Variants in FNBP1 observed in about 807,000 individuals in gnomAD.
The protein encoded by FNBP1 is formin binding protein 1.
A neutral mutation model predicts 90.6 loss-of-function variants in FNBP1; 26 were observed. The observed-to-expected ratio is 0.29, with a 90% CI of 0.21 to 0.40. The LOEUF is 0.40. Ranked by LOEUF, FNBP1 falls within the 10% of genes least tolerant of loss-of-function variation. FNBP1 has a pLI of 1.00. For missense variants in FNBP1, 635 were observed against 768.0 expected, an observed-to-expected ratio of 0.83 and a Z score of 2.05; for synonymous variants, 260 against 265.2, an observed-to-expected ratio of 0.98 and a Z score of 0.19.
At chr9:129,938,171 A>T (rs543404348) in intron 6 of FNBP1, among the ~76,000 whole-genome samples, 31 of 152,262 alleles carry the variant, frequency 2.0e-4, no homozygotes, top group South Asian at 4.1e-4. Flanking sequence ...TCAAAAAAAT[A>T]AATAAATTAA....
intron 1 of FNBP1, among the ~76,000 whole-genome samples, chr9:129,996,381 A>G (rs1267296497): frequency 2.0e-5 from 3 of 152,154 alleles, no homozygotes; most frequent in Non-Finnish European, 4.4e-5. Flanking sequence ...AGCACATCAC[A>G]GGGAAGAGAG....
intron 2 of FNBP1, among the ~76,000 whole-genome samples, chr9:129,992,002 T>C (rs1427850487): frequency 6.6e-6 from 1 of 152,200 alleles, no homozygotes; most frequent in Non-Finnish European, 1.5e-5. Context: ...GCAAGCTGTT[T>C]CTGGAATTCA....
At chr9:129,939,277 T>C (rs1021974320) in intron 6 of FNBP1, among the ~76,000 whole-genome samples, 2 of 151,394 alleles carry the variant, frequency 1.3e-5, no homozygotes, top group Admixed American at 6.6e-5. Flanking sequence ...TAATCCCAGA[T>C]ACTTGGGAGG....
chr9:129,904,363 G>A lies in FNBP1; in HGVS notation c.1296-1362C>T, dbSNP rs181813950. On this transcript the variant is annotated intron_variant, in intron 12 of 16. Coordinates refer to ENST00000446176, the MANE Select transcript of FNBP1 (RefSeq NM_015033.3). ...CTAGAGAAGTTTGGGGCATGTTTGG[G>A]TTGAAGACCAAAGAGCTCTACTAAT... 1.7e-4 allele frequency among the ~76,000 whole-genome samples: 26 copies of A among 152,282 alleles called. No individual in the cohort carries two copies. The East Asian group carries it at 4.8e-3, about 28-fold the overall frequency.
At chr9:129,994,759 T>C (rs1427744796) in intron 2 of FNBP1, 84 bp downstream of exon 2, 1 of 553,866 alleles carries the variant, frequency 1.8e-6, no homozygotes, top group African/African-American at 2.0e-5. Context: ...ATTTAAAATA[T>C]ACATTTATAC....
intron 1 of FNBP1, among the ~76,000 whole-genome samples, chr9:130,025,650 G>A (rs1229418377): frequency 6.6e-6 from 1 of 152,222 alleles, no homozygotes; most frequent in Non-Finnish European, 1.5e-5. Context: ...AAGGCCGGGC[G>A]CAGTGGCTCA....
intron 6 of FNBP1, among the ~76,000 whole-genome samples, chr9:129,937,507 C>T (rs1356400831): frequency 2.6e-5 from 4 of 151,874 alleles, no homozygotes; most frequent in South Asian, 4.2e-4. Flanking sequence ...CTGAGGCGGG[C>T]GGATCATGAG....
chr9:129,908,697 C>A (rs960051293), intron 12 of FNBP1, among the ~76,000 whole-genome samples, 193 bp downstream of exon 12: 1 of 152,002 alleles, frequency 6.6e-6, no homozygotes, highest in Non-Finnish European at 1.5e-5. Flanking sequence ...GGACTACAGA[C>A]GTGTGCCACT....
chr9:130,006,805 G>A (rs974721208), intron 1 of FNBP1, among the ~76,000 whole-genome samples: 5 of 152,150 alleles, frequency 3.3e-5, no homozygotes, highest in Non-Finnish European at 5.9e-5. Context: ...CTACGTTCAT[G>A]GCTCTTTGTA....
rs778762067 is a variant in FNBP1 at position 129,895,814 on chromosome 9, G to A, written c.1846+24C>T. ...TTTTTTTTAAGTTTTTTTTTTTTATGGTATTAAATATAAGTCTTAGCACCT... is the reference window on the plus strand; with the variant it reads ...TTTTTTTTAAGTTTTTTTTTTTTATAGTATTAAATATAAGTCTTAGCACCT... On this transcript the variant is annotated intron_variant, in intron 16 of 16. Transcript: ENST00000446176. 4.7e-6 allele frequency: 7 copies of A among 1,486,312 alleles called. No homozygotes were observed. The Middle Eastern group carries it at 8.8e-4, about 187-fold the overall frequency. The allele number at this position is 1,486,312 out of a possible 1,614,324, so 92.1% of individuals were successfully genotyped here. A position where few individuals can be genotyped will look rare whatever the true frequency, so the allele number is the denominator to read the frequency against.
At chr9:130,016,145 T>C (rs1012968846) in intron 1 of FNBP1, among the ~76,000 whole-genome samples, 1 of 152,194 alleles carries the variant, frequency 6.6e-6, no homozygotes, top group African/African-American at 2.4e-5. Context: ...AAATTTTATA[T>C]ATTATTGTTA....
At chr9:130,028,029 G>A (rs948527996) in intron 1 of FNBP1, among the ~76,000 whole-genome samples, 4 of 151,974 alleles carry the variant, frequency 2.6e-5, no homozygotes, top group African/African-American at 9.7e-5. Flanking sequence ...TGGGCCTCCC[G>A]GAAAAACCAG....
In FNBP1 at chr9:129,927,065, C is replaced by T. The variant is rs897195940; in HGVS notation, c.789+130G>A. On this transcript the variant is annotated intron_variant, in intron 8 of 16. Coordinates refer to ENST00000446176, the MANE Select transcript of FNBP1 (RefSeq NM_015033.3). ...GAATTATACAGCTAAATCCAAGACA[C>T]AGAGCATGTGTGACCACCAAAAGCA... 8 of 820,158 alleles carry T rather than the reference C, an allele frequency of 9.8e-6. No individual in the cohort carries two copies. In the South Asian group the frequency reaches 1.4e-4, roughly 15 times the overall value. 50.8% of individuals were successfully genotyped at this position (820,158 alleles called of 1,614,324 possible).
rs1359750499 is a variant in FNBP1 at position 129,902,935 on chromosome 9, C to T, written c.1362G>A (p.Leu454=). The part of the protein sequence containing the change: ...KNPQMGDPAS[L]DHKLAEVSQN... Reference sequence around the variant, plus strand: ...GGCTGACTTCTGCTAATTTGTGATCCAAACTGGCTGGGTCTCCCATCTGAG... The same window carrying T: ...GGCTGACTTCTGCTAATTTGTGATCTAAACTGGCTGGGTCTCCCATCTGAG... Residue 454 remains leucine (L), a synonymous_variant, in exon 13 of 17, where the codon TTG becomes TTA. Coordinates refer to ENST00000446176, the MANE Select transcript of FNBP1 (RefSeq NM_015033.3). The T allele has an allele frequency of 2.5e-6, 4 of 1,611,646 alleles. No homozygotes were observed. The highest frequency in any genetic ancestry group is 3.4e-6 in the Non-Finnish European group (4 of 1,178,820).
intron 1 of FNBP1, among the ~76,000 whole-genome samples, chr9:130,000,461 A>G (rs2054657609): frequency 6.6e-6 from 1 of 152,182 alleles, no homozygotes; most frequent in African/African-American, 2.4e-5. Flanking sequence ...ATTACGCCAC[A>G]GCACTCTAGC....
chr9:129,954,103 T>C (rs1458811036), intron 6 of FNBP1, among the ~76,000 whole-genome samples: 1 of 151,896 alleles, frequency 6.6e-6, no homozygotes, highest in Non-Finnish European at 1.5e-5. Context: ...TTAAAAAAGG[T>C]ATTAGGAGTA....
intron 16 of FNBP1, among the ~76,000 whole-genome samples, chr9:129,892,910 CT>C (rs1206147871): frequency 3.9e-5 from 6 of 152,246 alleles, no homozygotes; most frequent in African/African-American, 1.2e-4. Flanking sequence ...CCCATTCCCC[CT>C]GAAACCAACT....
intron 10 of FNBP1, among the ~76,000 whole-genome samples, chr9:129,921,461 T>C (rs2041091175): frequency 1.3e-5 from 2 of 151,978 alleles, no homozygotes; most frequent in Non-Finnish European, 2.9e-5. Context: ...TAGCGTGATC[T>C]TGGCTCACTG....
At chr9:129,928,494 A>C (rs2042243900) in intron 7 of FNBP1, among the ~76,000 whole-genome samples, 1 of 152,100 alleles carries the variant, frequency 6.6e-6, no homozygotes, top group Non-Finnish European at 1.5e-5. Context: ...CCCCGTCTCT[A>C]CTAAAAATAC....
Sources: allele counts gnomAD v4.1 joint callset (sites outside exome capture counted in the v4.1 genomes callset), GRCh38; gene constraint gnomAD v4.1.1; transcripts MANE v1.5; gene names NCBI Gene and HGNC (gene_info 2026-07-23, HGNC 2026-07-21).